Variants in SPATC1 observed in about 807,000 individuals in gnomAD.
The protein encoded by SPATC1 is speriolin.
In SPATC1, 35 loss-of-function variants were observed where a neutral mutation model predicts 36.5. The ratio of observed to expected loss-of-function variants is 0.96; its 90% CI spans 0.73 to 1.27. The LOEUF (loss-of-function observed/expected upper bound fraction) is 1.27, where lower values mean the gene tolerates loss of function less well. Ranked by LOEUF, SPATC1 falls within the 50% of genes most tolerant of loss-of-function variation. The probability of loss-of-function intolerance (pLI) is 0.00; values close to 1 mark genes in which losing one functional copy is unlikely to be tolerated. For missense variants in SPATC1, 779 were observed against 796.0 expected, an observed-to-expected ratio of 0.98 and a Z score of 0.26; for synonymous variants, 361 against 353.6, an observed-to-expected ratio of 1.02 and a Z score of -0.24.
rs1834300973 is a variant in SPATC1 at position 144,012,631 on chromosome 8, C to G, written c.116C>G (p.Ser39Ter). 6 of 1,551,722 alleles carry G rather than the reference C, an allele frequency of 3.9e-6. No individual in the cohort carries two copies. Among genetic ancestry groups the G allele is most frequent in the Non-Finnish European group, 5.2e-6 (6 of 1,146,992 alleles). Residue 39 changes from serine (S) to a stop codon, truncating the protein, a stop_gained, in exon 1 of 5, where the codon TCA becomes TGA. Transcript: ENST00000377470. LOFTEE classifies it high-confidence loss of function. ...RLIRENHELK[S>*]AIKTQAGGLG... ...ATTCGGGAGAATCACGAGCTCAAGT[C>G]AGCGATCAAGACTCAGGCAGGCGGG...
chr8:144,034,766 C>G (rs990636749), intron 1 of SPATC1, among the ~76,000 whole-genome samples: 5,560 of 152,106 alleles, frequency 0.037, 133 homozygotes, highest in Non-Finnish European at 0.049. Context: ...GGACTATAGG[C>G]ACACACCAAC....
intron 1 of SPATC1, among the ~76,000 whole-genome samples, chr8:144,036,074 G>C (rs1834892590): frequency 6.6e-6 from 1 of 152,076 alleles, no homozygotes; most frequent in African/African-American, 2.4e-5. Flanking sequence ...ATTGTCTCCT[G>C]GGTCCTAAAA....
intron 1 of SPATC1, among the ~76,000 whole-genome samples, chr8:144,037,696 GA>G (rs1433707298): frequency 1.3e-5 from 2 of 151,614 alleles, no homozygotes; most frequent in Non-Finnish European, 2.9e-5. Context: ...CTCTGCCTAG[GA>G]AAACCAGAGA....
intron 1 of SPATC1, among the ~76,000 whole-genome samples, chr8:144,023,188 G>A (rs1834583584): frequency 1.0e-5 from 1 of 95,450 alleles, no homozygotes; most frequent in African/African-American, 4.3e-5. Context: ...CTTTCCTCAG[G>A]ACCTACCCTC....
At position 144,045,553 on chromosome 8, in the gene SPATC1, A is replaced by G. The variant is rs1459575799; in HGVS notation, c.1447-1074A>G. Among the ~76,000 whole-genome samples the G allele has an allele frequency of 6.6e-6, 1 of 152,164 alleles. No homozygotes were observed. Among genetic ancestry groups the G allele is most frequent in the Non-Finnish European group, 1.5e-5 (1 of 68,012 alleles). On this transcript the variant is annotated intron_variant, in intron 4 of 4. Coordinates refer to ENST00000377470, the MANE Select transcript of SPATC1 (RefSeq NM_198572.3). This position sits in a 1 kb window ranked among gnomAD's most constrained non-coding sequence, Gnocchi z 5.2. ...CAGGACATAGCTGGAAGAGGGGTGC[A>G]GGGACAGATGGGGGGACACTGGAGG...
upstream of SPATC1, among the ~76,000 whole-genome samples, chr8:144,011,200 C>T (rs1363807794): frequency 6.6e-6 from 1 of 152,060 alleles, no homozygotes; most frequent in African/African-American, 2.4e-5. The surrounding 1 kb of genome is among the most constrained non-coding windows in gnomAD (Gnocchi z 4.5). Flanking sequence ...TGAAATAAGA[C>T]CATGACAAGC....
chr8:144,017,183 G>A (rs1489848864), intron 1 of SPATC1, among the ~76,000 whole-genome samples: 1 of 152,132 alleles, frequency 6.6e-6, no homozygotes, highest in Non-Finnish European at 1.5e-5. Flanking sequence ...GACAAAGAGA[G>A]CATCCAGAAT....
chr8:144,042,623 C>A (rs1371796631), intron 4 of SPATC1, among the ~76,000 whole-genome samples: 2 of 151,572 alleles, frequency 1.3e-5, no homozygotes, highest in Non-Finnish European at 2.9e-5. Context: ...CGCCCGGCCC[C>A]GAAAGGGAAG....
intron 4 of SPATC1, among the ~76,000 whole-genome samples, chr8:144,042,311 A>ATATATTTTTTTT (rs1412021347): frequency 2.5e-4 from 6 of 23,886 alleles, no homozygotes; most frequent in Admixed American, 7.0e-4. Flanking sequence ...ATATATATAT[A>ATATATTTTTTTT]TTTTTTTTTT....
rs369710770 is a variant in SPATC1, at chr8:144,012,653, C to G, written c.138C>G (p.Gly46=). Residue 46 remains glycine (G), a synonymous_variant, in exon 1 of 5, where the codon GGC becomes GGG. Transcript: ENST00000377470. ...AGTCAGCGATCAAGACTCAGGCAGG[C>G]GGGCTCGGCATCAGCGGGTTCACGA... ...ELKSAIKTQA[G]GLGISGFTSG... 3.1e-4 allele frequency: 487 copies of G among 1,551,712 alleles called. 1 individual carries two copies. The highest frequency in any genetic ancestry group is 9.5e-5 in the Non-Finnish European group (109 of 1,147,002).
intron 1 of SPATC1, among the ~76,000 whole-genome samples, chr8:144,029,205 A>AAT (rs1834747113): frequency 6.9e-6 from 1 of 144,646 alleles, no homozygotes; most frequent in Non-Finnish European, 1.5e-5. Context: ...CCAGAACTAA[A>AAT]AAAAAAAAAA....
chr8:144,024,838 TTC>T (rs1834642418), intron 1 of SPATC1, among the ~76,000 whole-genome samples: 2 of 144,188 alleles, frequency 1.4e-5, no homozygotes. Flanking sequence ...AGGACCCTCT[TTC>T]CTGAGGAATC....
rs1188784452 is a variant in SPATC1 at position 144,042,564 on chromosome 8, C to T, written c.1446+1193C>T. Among the ~76,000 whole-genome samples, 6 of 151,498 alleles carry T rather than the reference C, an allele frequency of 4.0e-5. 1 individual carries two copies. The highest frequency in any genetic ancestry group is 3.3e-4 in the Admixed American group (5 of 15,200). Reference sequence around the variant, plus strand: ...CTCAAACTCCCAACCTCAGGTGATCCGTCCGCCTCAGCCTCCGAAAGTGCG... The same window carrying T: ...CTCAAACTCCCAACCTCAGGTGATCTGTCCGCCTCAGCCTCCGAAAGTGCG... On this transcript the variant is annotated intron_variant, in intron 4 of 4. Coordinates refer to ENST00000377470, the MANE Select transcript of SPATC1 (RefSeq NM_198572.3).
intron 1 of SPATC1, among the ~76,000 whole-genome samples, chr8:144,031,722 TC>T (rs1834800736): frequency 6.8e-6 from 1 of 147,346 alleles, no homozygotes; most frequent in Non-Finnish European, 1.5e-5. Flanking sequence ...TTTCTTTCTT[TC>T]TTTTTTTTTT....
chr8:144,037,162 A>G (rs192479356), intron 1 of SPATC1, among the ~76,000 whole-genome samples: 10,613 of 97,908 alleles, frequency 0.11, 1,142 homozygotes, highest in African/African-American at 0.32. Context: ...TCAGCCCCCC[A>G]CCCAGCCGGC....
intron 4 of SPATC1, among the ~76,000 whole-genome samples, chr8:144,041,739 C>T (rs1023564720): frequency 1.3e-5 from 2 of 152,132 alleles, no homozygotes; most frequent in Non-Finnish European, 2.9e-5. Flanking sequence ...TGGGGGTGTG[C>T]GGCTGCTGGG....
intron 1 of SPATC1, among the ~76,000 whole-genome samples, chr8:144,028,460 C>T (rs1834728736): frequency 6.6e-6 from 1 of 152,116 alleles, no homozygotes; most frequent in African/African-American, 2.4e-5. Context: ...AAAAGCTCAT[C>T]ATCACTGGTT....
chr8:144,033,692 AGATGT>A (rs1483529302), intron 1 of SPATC1, among the ~76,000 whole-genome samples: 106 of 152,362 alleles, frequency 7.0e-4, no homozygotes, highest in African/African-American at 2.4e-3. Flanking sequence ...CAGTGAAAGC[AGATGT>A]GACTGGCCCT....
intron 1 of SPATC1, among the ~76,000 whole-genome samples, chr8:144,020,258 C>G (rs948586299): frequency 0.058 from 8,782 of 150,738 alleles, 314 homozygotes; most frequent in Non-Finnish European, 0.079. Context: ...CCCTGAAGAC[C>G]CTCTCCGCTG....
Sources: allele counts gnomAD v4.1 joint callset (sites outside exome capture counted in the v4.1 genomes callset), GRCh38; gene constraint gnomAD v4.1.1; non-coding constraint Gnocchi (gnomAD v3.1); transcripts MANE v1.5; gene names NCBI Gene and HGNC (gene_info 2026-07-23, HGNC 2026-07-21).